Variants in CRHR2 observed in about 807,000 individuals in gnomAD.
CRHR2 encodes corticotropin releasing hormone receptor 2.
A neutral mutation model predicts 57.9 loss-of-function variants in CRHR2; 53 were observed. The observed-to-expected ratio is 0.92, with a 90% CI of 0.73 to 1.15. The LOEUF (loss-of-function observed/expected upper bound fraction) is 1.15, where lower values mean the gene tolerates loss of function less well. Among genes scored for constraint, CRHR2 ranks in the 50% most tolerant of loss-of-function variants. CRHR2 has a pLI of 0.00. For synonymous variants in CRHR2, 213 were observed against 220.9 expected (o/e 0.96, Z 0.32); for missense variants, 532 against 542.6 (o/e 0.98, Z 0.19).
rs996328604 is a variant in CRHR2, at chr7:30,681,902, C to T, written c.229+13G>A. The T allele has an allele frequency of 6.2e-6, 10 of 1,606,082 alleles. No individual in the cohort carries two copies. The highest frequency in any genetic ancestry group is 1.7e-5 in the Admixed American group (1 of 59,050). ...CCGGTGTAGAGCAGGCAGCGAGGGCCGGGGGCACTCACGGGTCGTGTTGTA... is the reference window on the plus strand; with the variant it reads ...CCGGTGTAGAGCAGGCAGCGAGGGCTGGGGGCACTCACGGGTCGTGTTGTA... On this transcript the variant is annotated intron_variant, in intron 2 of 11. Transcript: ENST00000471646.
chr7:30,681,813 G>T, intron 2 of CRHR2, 102 bp downstream of exon 2: 1 of 1,448,408 alleles, frequency 6.9e-7, no homozygotes, highest in Non-Finnish European at 9.0e-7. Flanking sequence ...TACCGCGGCC[G>T]TCAGCAGCTT....
chr7:30,659,354 A>G (rs566390397), intron 8 of CRHR2, among the ~76,000 whole-genome samples: 1 of 152,118 alleles, frequency 6.6e-6, no homozygotes, highest in African/African-American at 2.4e-5. Flanking sequence ...GTTGGGGCTT[A>G]CTCTTTGCCA....
chr7:30,653,629 T>C lies in CRHR2; in HGVS notation c.1096-29A>G, dbSNP rs1783668263. 1 of 1,589,760 alleles carries C rather than the reference T, an allele frequency of 6.3e-7. No homozygotes were observed. The highest frequency in any genetic ancestry group is 8.5e-7 in the Non-Finnish European group (1 of 1,171,952). ...TGGGGAAGGCAGAGGCTCAGCTGGC[T>C]CCCAGGGACCAACCCTGGGCTTCTG... On this transcript the variant is annotated intron_variant, in intron 11 of 11. Transcript: ENST00000471646. The surrounding 1 kb of genome is among the most constrained non-coding windows in gnomAD (Gnocchi z 5.0).
rs748458786 is a variant in CRHR2 at position 30,687,813 on chromosome 7, G to A, written c.-166-1198C>T. ...GCTATGGGTCTGCTGACAAACCCAC[G>A]CTGCCTCTGAGGGTGAGGGAAGGTT... is the stretch of plus-strand genomic sequence containing the variant. On this transcript the variant is annotated intron_variant, in intron 2 of 13. Coordinates refer to the CRHR2 transcript ENST00000341843. Among the ~76,000 whole-genome samples, 7 of 152,324 alleles carry A rather than the reference G, an allele frequency of 4.6e-5. No individual in the cohort carries two copies. The South Asian group carries it at 6.2e-4, about 14-fold the overall frequency.
intron 2 of CRHR2, 111 bp downstream of exon 2, chr7:30,681,804 A>G: frequency 1.4e-6 from 2 of 1,428,794 alleles, no homozygotes; most frequent in Non-Finnish European, 1.8e-6. Context: ...GGTCCGCGGT[A>G]CCGCGGCCGT....
At chr7:30,670,624 G>A (rs985361169) in intron 2 of CRHR2, among the ~76,000 whole-genome samples, 8 of 152,264 alleles carry the variant, frequency 5.3e-5, no homozygotes, top group African/African-American at 1.9e-4. Flanking sequence ...CAGGGGAGCT[G>A]TCTGCTGTGG....
intron 11 of CRHR2, chr7:30,654,700 G>A: frequency 6.5e-7 from 1 of 1,536,142 alleles, no homozygotes; most frequent in Non-Finnish European, 8.7e-7. Flanking sequence ...ATACAGACCT[G>A]ATTGCTTGGC....
At chr7:30,670,710 TG>T (rs1784330097) in intron 2 of CRHR2, among the ~76,000 whole-genome samples, 1 of 152,060 alleles carries the variant, frequency 6.6e-6, no homozygotes, top group Admixed American at 6.5e-5. Flanking sequence ...ATCCACCCCG[TG>T]GGAAACGTAG....
chr7:30,681,828 C>A, intron 2 of CRHR2, 87 bp downstream of exon 2: 1 of 1,489,400 alleles, frequency 6.7e-7, no homozygotes, highest in South Asian at 1.4e-5. Context: ...CAGCTTTGTA[C>A]CGCTGGGTCC....
At chr7:30,660,746 C>CA in intron 7 of CRHR2, 101 bp from the exon 8 acceptor site, 1 of 1,139,460 alleles carries the variant, frequency 8.8e-7, no homozygotes, top group Non-Finnish European at 1.3e-6. Flanking sequence ...TCCTGAGACC[C>CA]AATCTCCAGG....
intron 8 of CRHR2, among the ~76,000 whole-genome samples, chr7:30,658,435 C>T (rs954310293): frequency 1.3e-5 from 2 of 152,110 alleles, no homozygotes; most frequent in African/African-American, 4.8e-5. Flanking sequence ...TAGCTGGGGG[C>T]CTGGAGGGGT....
intron 1 of CRHR2, 54 bp downstream of exon 1, chr7:30,682,124 C>A: frequency 1.3e-6 from 2 of 1,534,774 alleles, no homozygotes; most frequent in Non-Finnish European, 1.7e-6. Flanking sequence ...GGGGCGCACC[C>A]AGCGCGCGAG....
intron 8 of CRHR2, among the ~76,000 whole-genome samples, chr7:30,657,802 A>ATCCT (rs774200666): frequency 9.2e-5 from 14 of 151,880 alleles, no homozygotes; most frequent in South Asian, 2.1e-4. Flanking sequence ...TCATCCATTC[A>ATCCT]TCCTTCCTTC....
rs375662432 is a variant in CRHR2 at position 30,656,025 on chromosome 7, C to A, written c.832-13G>T. On this transcript the variant is annotated splice_polypyrimidine_tract_variant and intron_variant, in intron 8 of 11. Transcript: ENST00000471646. The surrounding 1 kb of genome is among the most constrained non-coding windows in gnomAD (Gnocchi z 4.4). ...ATACGAAATTGATCTGGAGGGAGGG[C>A]GGGCATGGGAAAGAGGGAAAAGGAA... 29 of 1,397,716 alleles carry A rather than the reference C, an allele frequency of 2.1e-5. No individual in the cohort carries two copies. The highest frequency in any genetic ancestry group is 4.3e-5 in the African/African-American group (3 of 70,432). The allele number at this position is 1,397,716 out of a possible 1,614,324, so 86.6% of individuals were successfully genotyped here.
At chr7:30,667,150 C>A (rs1784211156) in intron 3 of CRHR2, 78 bp downstream of exon 3, 1 of 1,327,752 alleles carries the variant, frequency 7.5e-7, no homozygotes, top group African/African-American at 1.4e-5. Flanking sequence ...GGTCTGCCCC[C>A]CTTGGGATCT....
At chr7:30,673,959 T>C (rs1784440641) in intron 2 of CRHR2, among the ~76,000 whole-genome samples, 1 of 152,150 alleles carries the variant, frequency 6.6e-6, no homozygotes, top group African/African-American at 2.4e-5. Context: ...CCCAGGGCCC[T>C]TTGCTGGTGC....
chr7:30,653,391 C>A lies in CRHR2; in HGVS notation c.*69G>T. 1 of 1,576,822 alleles carries A rather than the reference C, an allele frequency of 6.3e-7. No homozygotes were observed. Among genetic ancestry groups the A allele is most frequent in the Non-Finnish European group, 8.6e-7 (1 of 1,160,986 alleles). On this transcript the variant is annotated 3_prime_UTR_variant, in exon 12 of 12. Coordinates refer to ENST00000471646, the MANE Select transcript of CRHR2 (RefSeq NM_001883.5). The surrounding 1 kb of genome is among the most constrained non-coding windows in gnomAD (Gnocchi z 5.0). ...ATCTCCTGCCCCACGAGAGCCTGCCCAGCACAGAGAACCCAGAGGAAGAAG... is the reference window on the plus strand; with the variant it reads ...ATCTCCTGCCCCACGAGAGCCTGCCAAGCACAGAGAACCCAGAGGAAGAAG...
chr7:30,653,734 G>T lies in CRHR2; in HGVS notation c.1096-134C>A. The T allele has an allele frequency of 8.9e-7, 1 of 1,120,946 alleles. No individual in the cohort carries two copies. 69.4% of individuals were successfully genotyped at this position (1,120,946 alleles called of 1,614,324 possible). A position where few individuals can be genotyped will look rare whatever the true frequency, so the allele number is the denominator to read the frequency against. The stretch of plus-strand genomic sequence containing the variant: ...CAAGGAACTGTCTGCTTCCAAAACA[G>T]GTCCTTCCCTGATGCTGTTGCCTCT... On this transcript the variant is annotated intron_variant, in intron 11 of 11. Coordinates refer to ENST00000471646, the MANE Select transcript of CRHR2 (RefSeq NM_001883.5). This position sits in a 1 kb window ranked among gnomAD's most constrained non-coding sequence, Gnocchi z 5.0.
At chr7:30,691,214 C>T (rs17159372) in intron 1 of CRHR2, among the ~76,000 whole-genome samples, 11,957 of 152,198 alleles carry the variant, frequency 0.079, 555 homozygotes, top group Admixed American at 0.12. Context: ...CTCTTTATGG[C>T]GCCCATCGCC....
Sources: allele counts gnomAD v4.1 joint callset (sites outside exome capture counted in the v4.1 genomes callset), GRCh38; gene constraint gnomAD v4.1.1; non-coding constraint Gnocchi (gnomAD v3.1); transcripts MANE v1.5; gene names NCBI Gene and HGNC (gene_info 2026-07-23, HGNC 2026-07-21).